The following CACNA2D3 variants were observed in gnomAD, a reference collection of about 807,000 sequenced individuals.
CACNA2D3 encodes calcium voltage-gated channel auxiliary subunit alpha2delta 3.
A neutral mutation model predicts 160.6 loss-of-function variants in CACNA2D3; 60 were observed. The observed-to-expected ratio is 0.37, with a 90% CI of 0.30 to 0.46. CACNA2D3 has a LOEUF of 0.46. Among genes scored for constraint, CACNA2D3 ranks in the 20% least tolerant of loss-of-function variants. The probability of loss-of-function intolerance (pLI) is 1.00; values close to 1 mark genes in which losing one functional copy is unlikely to be tolerated. For synonymous variants in CACNA2D3, 558 were observed against 492.9 expected, an observed-to-expected ratio of 1.13 and a Z score of -1.75; for missense variants, 1,205 against 1,365.0, an observed-to-expected ratio of 0.88 and a Z score of 1.85.
At chr3:54,547,687 T>C (rs1375529029) in intron 5 of CACNA2D3, among the ~76,000 whole-genome samples, 1 of 147,024 alleles carries the variant, frequency 6.8e-6, no homozygotes, top group Non-Finnish European at 1.5e-5. Flanking sequence ...TTTTTTTTTT[T>C]TTTTTTTTTT....
At chr3:54,942,262 A>G (rs1701490161) in intron 27 of CACNA2D3, among the ~76,000 whole-genome samples, 1 of 152,062 alleles carries the variant, frequency 6.6e-6, no homozygotes. Context: ...CATGGCTAAG[A>G]CTCACCTTCT....
intron 30 of CACNA2D3, among the ~76,000 whole-genome samples, chr3:54,986,368 C>T (rs1187671837): frequency 6.6e-6 from 1 of 152,088 alleles, no homozygotes; most frequent in East Asian, 1.9e-4. Context: ...CTTCCTGTGC[C>T]CCAATTAGGA....
intron 2 of CACNA2D3, among the ~76,000 whole-genome samples, chr3:54,146,972 A>G (rs1202590563): frequency 1.3e-5 from 2 of 152,384 alleles, no homozygotes; most frequent in Admixed American, 1.3e-4. Flanking sequence ...TACCTGCATG[A>G]AAGTTTCAGC....
At chr3:54,421,553 T>A (rs971334528) in intron 4 of CACNA2D3, among the ~76,000 whole-genome samples, 1 of 152,152 alleles carries the variant, frequency 6.6e-6, no homozygotes. Context: ...GATGGGATTC[T>A]ATATACCCTT....
At chr3:54,571,564 G>A (rs1250945329) in intron 8 of CACNA2D3, among the ~76,000 whole-genome samples, 6 of 151,134 alleles carry the variant, frequency 4.0e-5, no homozygotes, top group Non-Finnish European at 7.4e-5. Context: ...CTTACCAAAG[G>A]CTCGTCAGAG....
chr3:54,154,360 T>C, intron 2 of CACNA2D3, among the ~76,000 whole-genome samples: 1 of 152,196 alleles, frequency 6.6e-6, no homozygotes, highest in East Asian at 1.9e-4. Context: ...ATTTTACAAA[T>C]GAGAACCAAG....
At chr3:54,861,437 A>G (rs1489064513) in intron 17 of CACNA2D3, among the ~76,000 whole-genome samples, 3 of 152,172 alleles carry the variant, frequency 2.0e-5, no homozygotes, top group Non-Finnish European at 2.9e-5. Flanking sequence ...GAAAGAGGCC[A>G]GAACAGCAAG....
chr3:54,234,405 G>A (rs559465475), intron 2 of CACNA2D3, among the ~76,000 whole-genome samples: 18 of 152,338 alleles, frequency 1.2e-4, no homozygotes, highest in African/African-American at 1.4e-4. Context: ...ATACACTGTC[G>A]ATGGGAGTGT....
chr3:54,174,746 C>T (rs531764934), intron 2 of CACNA2D3, among the ~76,000 whole-genome samples: 3 of 152,256 alleles, frequency 2.0e-5, no homozygotes, highest in Non-Finnish European at 2.9e-5. Flanking sequence ...AGGATGGTTT[C>T]GATCTCCTGA....
intron 3 of CACNA2D3, among the ~76,000 whole-genome samples, chr3:54,331,329 T>C (rs1039343523): frequency 2.0e-5 from 3 of 152,208 alleles, no homozygotes; most frequent in African/African-American, 4.8e-5. Flanking sequence ...TTGATTTCCA[T>C]GCAGCTCCGT....
chr3:54,489,459 G>T (rs1011904513), intron 4 of CACNA2D3, among the ~76,000 whole-genome samples: 15 of 152,228 alleles, frequency 9.9e-5, no homozygotes, highest in Non-Finnish European at 2.2e-4. Context: ...GCACTTTTTA[G>T]CCCACAAAAG....
chr3:54,871,066 A>G (rs901129834), intron 17 of CACNA2D3, among the ~76,000 whole-genome samples: 2 of 56,672 alleles, frequency 3.5e-5, no homozygotes, highest in African/African-American at 1.1e-4. Flanking sequence ...ACACACACAC[A>G]CACACACACA....
intron 2 of CACNA2D3, among the ~76,000 whole-genome samples, chr3:54,175,906 AC>A (rs202072378): frequency 0.018 from 2,784 of 152,220 alleles, 82 homozygotes; most frequent in African/African-American, 0.062. Flanking sequence ...CAAAGAGTGG[AC>A]CATTCATTGT....
At chr3:54,673,670 A>G (rs901026099) in intron 11 of CACNA2D3, among the ~76,000 whole-genome samples, 12 of 152,238 alleles carry the variant, frequency 7.9e-5, no homozygotes, top group Non-Finnish European at 1.6e-4. Flanking sequence ...AATAACTTTG[A>G]AAAATATCAA....
At chr3:54,920,704 G>T (rs1319487412) in intron 27 of CACNA2D3, among the ~76,000 whole-genome samples, 1 of 152,164 alleles carries the variant, frequency 6.6e-6, no homozygotes, top group African/African-American at 2.4e-5. Flanking sequence ...ATGGGGCTTT[G>T]AGAAGTAGTC....
chr3:54,966,418 G>A (rs1282705796), intron 27 of CACNA2D3, among the ~76,000 whole-genome samples: 1 of 152,224 alleles, frequency 6.6e-6, no homozygotes, highest in Non-Finnish European at 1.5e-5. Context: ...CAGCTTTTGT[G>A]TTGTGTAGTC....
chr3:54,936,848 T>C (rs1701340829), intron 27 of CACNA2D3, among the ~76,000 whole-genome samples: 1 of 152,220 alleles, frequency 6.6e-6, no homozygotes, highest in Non-Finnish European at 1.5e-5. Context: ...AGCAAGCTCC[T>C]TCATGTGTTG....
At chr3:54,467,890 A>G (rs918880252) in intron 4 of CACNA2D3, among the ~76,000 whole-genome samples, 5 of 152,228 alleles carry the variant, frequency 3.3e-5, no homozygotes, top group African/African-American at 1.2e-4. Flanking sequence ...TTCTTATCAC[A>G]AAGAAATGAT....
At chr3:54,555,106 G>C (rs1257583037) in intron 5 of CACNA2D3, among the ~76,000 whole-genome samples, 4 of 151,986 alleles carry the variant, frequency 2.6e-5, no homozygotes, top group Non-Finnish European at 4.4e-5. Context: ...AAACTCCTGA[G>C]CTCAAGTAAT....
Sources: gnomAD v4.1 joint callset for allele counts (sites outside exome capture counted in the v4.1 genomes callset) on GRCh38, gnomAD v4.1.1 for gene constraint, MANE v1.5 for transcripts, NCBI Gene and HGNC (gene_info 2026-07-23, HGNC 2026-07-21) for gene names.